LRRC7: variants seen among roughly 807,000 people sequenced by gnomAD.
LRRC7 encodes the protein leucine rich repeat containing 7, also known as leucine-rich repeat-containing protein 7.
A neutral mutation model predicts 175.7 loss-of-function variants in LRRC7; 23 were observed. That is an observed-to-expected ratio of 0.13 (90% CI 0.09 to 0.19). The LOEUF is 0.19. LRRC7 is among the 10% of genes least tolerant of loss of function. The probability of loss-of-function intolerance (pLI) is 1.00; values close to 1 mark genes in which losing one functional copy is unlikely to be tolerated. For synonymous variants in LRRC7, 685 were observed against 680.9 expected, an observed-to-expected ratio of 1.01 and a Z score of -0.09; for missense variants, 1,354 against 1,904.7, an observed-to-expected ratio of 0.71 and a Z score of 5.38.
intron 1 of LRRC7, among the ~76,000 whole-genome samples, chr1:69,591,744 T>C (rs539647061): frequency 1.2e-3 from 188 of 152,162 alleles, no homozygotes; most frequent in Non-Finnish European, 2.0e-3. Context: ...CTTCATCCAA[T>C]CAGAATAAAC....
chr1:70,033,752 C>T (rs1659018101), intron 18 of LRRC7, among the ~76,000 whole-genome samples: 3 of 152,070 alleles, frequency 2.0e-5, no homozygotes, highest in South Asian at 2.1e-4. Flanking sequence ...GACCTGAGTA[C>T]TGAATGTGTA....
At chr1:69,988,187 A>G (rs1473489894) in intron 10 of LRRC7, among the ~76,000 whole-genome samples, 1 of 152,220 alleles carries the variant, frequency 6.6e-6, no homozygotes, top group Non-Finnish European at 1.5e-5. Context: ...TTCAAAGAAC[A>G]TATTTTTCTT....
At chr1:69,678,551 G>T in intron 2 of LRRC7, 73 bp downstream of exon 2, 1 of 1,028,358 alleles carries the variant, frequency 9.7e-7, no homozygotes, top group South Asian at 1.4e-5. Context: ...TGAAATGAGT[G>T]ACCTTTAAAT....
At chr1:70,027,199 A>G (rs545050807) in intron 17 of LRRC7, among the ~76,000 whole-genome samples, 11 of 152,302 alleles carry the variant, frequency 7.2e-5, no homozygotes, top group Admixed American at 5.2e-4. Context: ...GATGCAAAAC[A>G]GTATTGTTGG....
chr1:69,611,425 T>C (rs1407825742), intron 1 of LRRC7, among the ~76,000 whole-genome samples: 1 of 152,086 alleles, frequency 6.6e-6, no homozygotes, highest in Non-Finnish European at 1.5e-5. Context: ...TATTCTGAAA[T>C]GTTGCTACAG....
intron 1 of LRRC7, among the ~76,000 whole-genome samples, chr1:69,610,346 G>T (rs1648509336): frequency 6.6e-6 from 1 of 151,914 alleles, no homozygotes; most frequent in African/African-American, 2.4e-5. Context: ...TTTTATCTAT[G>T]GTGCTGTGTA....
intron 2 of LRRC7, among the ~76,000 whole-genome samples, chr1:69,703,293 C>T (rs529060738): frequency 1.8e-4 from 28 of 151,442 alleles, no homozygotes; most frequent in South Asian, 6.2e-4. Flanking sequence ...TTACTTTCAA[C>T]GATTGTTCAA....
At chr1:69,681,015 T>A (rs774971276) in intron 2 of LRRC7, among the ~76,000 whole-genome samples, 12 of 152,160 alleles carry the variant, frequency 7.9e-5, no homozygotes, top group African/African-American at 2.4e-5. Context: ...TGTTTGAGGA[T>A]AATAAGGCAT....
chr1:69,617,468 A>C (rs1411524848), intron 1 of LRRC7, among the ~76,000 whole-genome samples: 1 of 149,430 alleles, frequency 6.7e-6, no homozygotes, highest in African/African-American at 2.5e-5. Context: ...GGAGTCATTT[A>C]TAAGAAGAAT....
Position 70,143,216 on chromosome 1 carries a change from A to C in LRRC7, c.*21329A>C, listed in dbSNP as rs80007094. ...TCTCTAGACTTTTTTTTTTTTTTTA[A>C]TGATCTCTGACTTCACTACCATATG... On this transcript the variant is annotated 3_prime_UTR_variant, in exon 27 of 27. Transcript: ENST00000651989. 6.8e-6 allele frequency: 1 copy of C among 146,994 alleles called. No individual in the cohort carries two copies. Among genetic ancestry groups the C allele is most frequent in the African/African-American group, 2.5e-5 (1 of 39,670 alleles). The allele number at this position is 146,994 out of a possible 1,614,324, so 9.1% of individuals were successfully genotyped here. A position where few individuals can be genotyped will look rare whatever the true frequency, so the allele number is the denominator to read the frequency against.
chr1:70,019,518 G>T lies in LRRC7; in HGVS notation c.1420+700G>T, dbSNP rs1571033900. On this transcript the variant is annotated intron_variant, in intron 15 of 26. Transcript: ENST00000651989. ...TATGGAGTAACAATAATTCTTGGAA[G>T]AGTAAACTTATTTTAATCCAGCCAT... Among the ~76,000 whole-genome samples, 4 of 152,082 alleles carry T rather than the reference G, an allele frequency of 2.6e-5. No homozygotes were observed. In the Middle Eastern group the frequency reaches 0.01, roughly 391 times the overall value.
At chr1:69,828,520 G>T (rs1380529497) in intron 5 of LRRC7, among the ~76,000 whole-genome samples, 1 of 152,020 alleles carries the variant, frequency 6.6e-6, no homozygotes, top group Non-Finnish European at 1.5e-5. Flanking sequence ...TATTTCTAAT[G>T]TCTAATTAGC....
chr1:69,908,277 A>T (rs1406981029), intron 7 of LRRC7, among the ~76,000 whole-genome samples: 1 of 151,762 alleles, frequency 6.6e-6, no homozygotes, highest in African/African-American at 2.4e-5. Flanking sequence ...TTCTGCTCTG[A>T]CTTTAGTTAT....
chr1:69,600,796 G>GTTCTTTTTTTTT (rs1557463083), intron 1 of LRRC7, among the ~76,000 whole-genome samples: 3 of 26,360 alleles, frequency 1.1e-4, no homozygotes, highest in Non-Finnish European at 1.9e-4. Flanking sequence ...AGGATCTCTG[G>GTTCTTTTTTTTT]TTTCTTTTTT....
intron 2 of LRRC7, among the ~76,000 whole-genome samples, chr1:69,689,449 T>C (rs143700775): frequency 1.4e-4 from 16 of 110,806 alleles, no homozygotes; most frequent in African/African-American, 6.4e-4. Flanking sequence ...CCCTTAAATT[T>C]TTAAAATAAA....
chr1:69,683,305 A>G (rs976063583), intron 2 of LRRC7, among the ~76,000 whole-genome samples: 1 of 152,106 alleles, frequency 6.6e-6, no homozygotes, highest in African/African-American at 2.4e-5. Flanking sequence ...ACCTTTGCAA[A>G]TATTCTGTGT....
chr1:69,642,940 G>A (rs774406549), intron 1 of LRRC7, among the ~76,000 whole-genome samples: 5 of 152,074 alleles, frequency 3.3e-5, no homozygotes, highest in African/African-American at 7.2e-5. Flanking sequence ...TATGCCATCT[G>A]CAGGCTGGAG....
intron 2 of LRRC7, among the ~76,000 whole-genome samples, chr1:69,741,141 G>A (rs988867232): frequency 2.0e-5 from 3 of 151,946 alleles, no homozygotes; most frequent in African/African-American, 7.2e-5. Context: ...AAAGTGCTGA[G>A]CTCACTGAGC....
At chr1:70,036,391 C>A (rs1659315590) in intron 19 of LRRC7, 53 bp from the exon 20 acceptor site, 1 of 1,527,858 alleles carries the variant, frequency 6.5e-7, no homozygotes, top group Admixed American at 2.0e-5. Context: ...ACTTGCTTTT[C>A]CGTGTAATTG....
Sources: allele counts gnomAD v4.1 joint callset (sites outside exome capture counted in the v4.1 genomes callset), GRCh38; gene constraint gnomAD v4.1.1; transcripts MANE v1.5; gene names NCBI Gene and HGNC (gene_info 2026-07-23, HGNC 2026-07-21).